Variants in DEFB135 observed in about 807,000 individuals in gnomAD.
DEFB135 encodes the protein defensin beta 135.
Under a neutral mutation model 8.9 loss-of-function variants are expected in DEFB135, and 14 were observed. The observed-to-expected ratio is 1.58, with a 90% CI of 1.04 to 2.47. The LOEUF (loss-of-function observed/expected upper bound fraction) is 2.47. Among genes scored for constraint, DEFB135 ranks in the 30% most tolerant of loss-of-function variants. The pLI is 0.00. For missense variants in DEFB135, 135 were observed against 94.2 expected, an observed-to-expected ratio of 1.43 and a Z score of -1.79; for synonymous variants, 51 against 34.5, an observed-to-expected ratio of 1.48 and a Z score of -1.67.
At chr8:11,982,466 C>A in intron 1 of DEFB135, 82 bp downstream of exon 1, 1 of 1,520,034 alleles carries the variant, frequency 6.6e-7, no homozygotes, top group Non-Finnish European at 9.1e-7. Flanking sequence ...GAGAAAAAGG[C>A]AGGACTTGGA....
Position 11,984,502 on chromosome 8 carries a change from T to C in DEFB135, c.146T>C (p.Leu49Pro). The change falls in exon 2 of 2, where the codon CTA becomes CCA. Residue 49 changes from leucine to proline, a missense_variant. By Grantham distance (98) the Leu-to-Pro change is moderately conservative. Transcript: ENST00000382208. ...RLQGTCRPKC[L>P]KNEQYRILCD... ...CAAGGTACTTGCCGGCCAAAATGTC[T>C]AAAAAACGAACAATATCGTATTTTG... The C allele has an allele frequency of 6.3e-7, 1 of 1,589,482 alleles. No homozygotes were observed. The highest frequency in any genetic ancestry group is 8.6e-7 in the Non-Finnish European group (1 of 1,160,864).
At chr8:11,983,136 G>A (rs926531580) in intron 1 of DEFB135, among the ~76,000 whole-genome samples, 1 of 152,224 alleles carries the variant, frequency 6.6e-6, no homozygotes, top group African/African-American at 2.4e-5. Flanking sequence ...GCTCACGCCT[G>A]CAATCTAAGC....
Position 11,982,386 on chromosome 8 carries a change from T to A in DEFB135, c.64+2T>A, listed in dbSNP as rs774081729. 5.5e-5 allele frequency: 88 copies of A among 1,613,678 alleles called. No homozygotes were observed. Among genetic ancestry groups the A allele is most frequent in the Middle Eastern group, 1.6e-4 (1 of 6,084 alleles). ...ACTTACTCTTCTATGTTCCACCAGGTAAAATGGAGTCCCCACCTTGTAGAA... is the reference window on the plus strand; with the variant it reads ...ACTTACTCTTCTATGTTCCACCAGGAAAAATGGAGTCCCCACCTTGTAGAA... On this transcript the variant is annotated splice_donor_variant, in intron 1 of 1. Transcript: ENST00000382208. LOFTEE classifies it high-confidence loss of function.
chr8:11,982,598 G>A (rs1156360442), intron 1 of DEFB135, among the ~76,000 whole-genome samples: 2 of 152,200 alleles, frequency 1.3e-5, no homozygotes, highest in Admixed American at 1.3e-4. Context: ...AAAGAAACTG[G>A]TTATGGATTT....
At chr8:11,982,420 A>G in intron 1 of DEFB135, 36 bp downstream of exon 1, 1 of 1,611,536 alleles carries the variant, frequency 6.2e-7, no homozygotes, top group Non-Finnish European at 8.5e-7. Flanking sequence ...AATTAGGAAT[A>G]GTAAAGGGAA....
At chr8:11,982,510 G>C (rs2150551579) in intron 1 of DEFB135, 126 bp downstream of exon 1, 1 of 979,062 alleles carries the variant, frequency 1.0e-6, no homozygotes, top group Non-Finnish European at 1.6e-6. Flanking sequence ...AAAGTGAGCA[G>C]AGATGGACAT....
intron 1 of DEFB135, 23 bp downstream of exon 1, chr8:11,982,407 T>C (rs896419752): frequency 3.2e-5 from 51 of 1,613,342 alleles, no homozygotes; most frequent in Non-Finnish European, 4.3e-5. Flanking sequence ...CCCCACCTTG[T>C]AGAATTAGGA....
intron 1 of DEFB135, among the ~76,000 whole-genome samples, chr8:11,983,050 C>T (rs1482744073): frequency 1.3e-5 from 2 of 152,144 alleles, no homozygotes; most frequent in Admixed American, 1.3e-4. Context: ...TTGCCTCAAA[C>T]CTTCATATAT....
At position 11,984,551 on chromosome 8, in the gene DEFB135, T is replaced by G. The variant is rs1282619235; in HGVS notation, c.195T>G (p.Cys65Trp). 1 of 1,548,036 alleles carries G rather than the reference T, an allele frequency of 6.5e-7. No homozygotes were observed. The highest frequency in any genetic ancestry group is 8.8e-7 in the Non-Finnish European group (1 of 1,135,044). ...TGTGTGATACTATACATTTGTGCTG[T>G]GTAAACCCAAAATATTTACCTATAC... is the stretch of plus-strand genomic sequence containing the variant. Reference protein sequence around the residue: ...RILCDTIHLCCVNPKYLPILT... With the variant: ...RILCDTIHLCWVNPKYLPILT... Residue 65 changes from cysteine to tryptophan, a missense_variant, in exon 2 of 2, where the codon TGT becomes TGG. Coordinates refer to ENST00000382208, the MANE Select transcript of DEFB135 (RefSeq NM_001033017.3).
At chr8:11,982,690 C>T (rs956895424) in intron 1 of DEFB135, among the ~76,000 whole-genome samples, 10 of 152,192 alleles carry the variant, frequency 6.6e-5, no homozygotes, top group Admixed American at 1.3e-4. Context: ...AAAGATGAGA[C>T]TTTCAAAGAA....
In DEFB135 at chr8:11,982,289, G is replaced by A. The variant is rs773200010; in HGVS notation, c.-32G>A. 26 of 1,613,438 alleles carry A rather than the reference G, an allele frequency of 1.6e-5. No homozygotes were observed. The highest frequency in any genetic ancestry group is 3.3e-5 in the Admixed American group (2 of 60,002). On this transcript the variant is annotated 5_prime_UTR_variant, in exon 1 of 2. Coordinates refer to ENST00000382208, the MANE Select transcript of DEFB135 (RefSeq NM_001033017.3). ...AAAGCTGCGGAGAGAGTGACTCTCC[G>A]ATGAGTCACAGCTGCTTCTTTGCTG...
chr8:11,982,397 C>T lies in DEFB135; in HGVS notation c.64+13C>T. On this transcript the variant is annotated intron_variant, in intron 1 of 1. Transcript: ENST00000382208. ...TATGTTCCACCAGGTAAAATGGAGT[C>T]CCCACCTTGTAGAATTAGGAATAGT... 1 of 1,613,752 alleles carries T rather than the reference C, an allele frequency of 6.2e-7. No homozygotes were observed. The highest frequency in any genetic ancestry group is 8.5e-7 in the Non-Finnish European group (1 of 1,179,776).
intron 1 of DEFB135, among the ~76,000 whole-genome samples, chr8:11,982,632 T>C (rs1205650540): frequency 1.3e-5 from 2 of 152,132 alleles, no homozygotes; most frequent in Non-Finnish European, 2.9e-5. Context: ...TGGTGAAGTT[T>C]GAGGGGAAGG....
intron 1 of DEFB135, among the ~76,000 whole-genome samples, chr8:11,984,216 A>C (rs1397382688): frequency 6.6e-6 from 1 of 152,216 alleles, no homozygotes; most frequent in Non-Finnish European, 1.5e-5. Flanking sequence ...TTGTGGATTC[A>C]TATAATGGCT....
chr8:11,983,206 C>T (rs945122368), intron 1 of DEFB135, among the ~76,000 whole-genome samples: 1 of 152,014 alleles, frequency 6.6e-6, no homozygotes, highest in Admixed American at 6.5e-5. Flanking sequence ...TCAGTCTAGC[C>T]AACATGGTGA....
In DEFB135 at chr8:11,984,445, T is replaced by A; in HGVS notation, c.89T>A (p.Ile30Lys). 2.6e-6 allele frequency: 4 copies of A among 1,567,966 alleles called. No homozygotes were observed. The highest frequency in any genetic ancestry group is 3.5e-6 in the Non-Finnish European group (4 of 1,146,882). Residue 30 changes from isoleucine (I) to lysine (K), a missense_variant, in exon 2 of 2, where the codon ATA becomes AAA. Ile to Lys is a moderately radical substitution (Grantham distance 102, BLOSUM62 -3). Coordinates refer to ENST00000382208, the MANE Select transcript of DEFB135 (RefSeq NM_001033017.3). ...PPGRSGPNVYIQKIFASCWRL... is the reference protein window; with the variant it reads ...PPGRSGPNVYKQKIFASCWRL... Reference sequence around the variant, plus strand: ...GGTAGAAGTGGACCCAATGTCTACATACAAAAAATCTTTGCTTCATGTTGG... The same window carrying A: ...GGTAGAAGTGGACCCAATGTCTACAAACAAAAAATCTTTGCTTCATGTTGG...
At chr8:11,983,269 T>G (rs1290120535) in intron 1 of DEFB135, among the ~76,000 whole-genome samples, 1 of 152,124 alleles carries the variant, frequency 6.6e-6, no homozygotes, top group African/African-American at 2.4e-5. Flanking sequence ...GGCGCATGCC[T>G]GTCCCAGCTA....
intron 1 of DEFB135, 102 bp from the exon 2 acceptor site, chr8:11,984,319 A>G: frequency 3.2e-6 from 3 of 944,232 alleles, no homozygotes; most frequent in Non-Finnish European, 4.4e-6. Context: ...CGTCTAATTC[A>G]TTATTAAAAA....
intron 1 of DEFB135, among the ~76,000 whole-genome samples, chr8:11,983,248 C>T (rs1799776573): frequency 6.6e-6 from 1 of 152,060 alleles, no homozygotes; most frequent in African/African-American, 2.4e-5. Context: ...ACAAAATTAG[C>T]CGGGCATGGT....
Sources: allele counts gnomAD v4.1 joint callset (sites outside exome capture counted in the v4.1 genomes callset), GRCh38; gene constraint gnomAD v4.1.1; transcripts MANE v1.5; gene names NCBI Gene and HGNC (gene_info 2026-07-23, HGNC 2026-07-21).